Variants in CADM2 observed in about 807,000 individuals in gnomAD.
CADM2 encodes the protein cell adhesion molecule 2.
A neutral mutation model predicts 49.8 loss-of-function variants in CADM2; 12 were observed. The ratio of observed to expected loss-of-function variants is 0.24; its 90% CI spans 0.15 to 0.39. The LOEUF (loss-of-function observed/expected upper bound fraction) is 0.39. CADM2 is among the 10% of genes least tolerant of loss of function. The pLI, the probability that CADM2 is intolerant of heterozygous loss-of-function variation, is 1.00. For missense variants in CADM2, 378 were observed against 492.3 expected (o/e 0.77, Z 2.20); for synonymous variants, 214 against 175.4 (o/e 1.22, Z -1.74).
At chr3:85,881,868 G>A (rs1020557311) in intron 3 of CADM2, among the ~76,000 whole-genome samples, 8 of 152,198 alleles carry the variant, frequency 5.3e-5, no homozygotes, top group East Asian at 3.9e-4. Context: ...CAAATCATCC[G>A]GCATTAGTTA....
intron 1 of CADM2, among the ~76,000 whole-genome samples, chr3:85,356,994 A>G (rs2031916736): frequency 6.6e-6 from 1 of 152,146 alleles, no homozygotes; most frequent in Non-Finnish European, 1.5e-5. Flanking sequence ...GGTACCAGTT[A>G]TTCTATGATT....
At chr3:85,710,529 A>C (rs2107735964) in intron 1 of CADM2, among the ~76,000 whole-genome samples, 1 of 152,188 alleles carries the variant, frequency 6.6e-6, no homozygotes, top group South Asian at 2.1e-4. Flanking sequence ...CATTGGATAT[A>C]TTTTATATTC....
rs2040319629 is a variant in CADM2, at chr3:85,161,408, A to AT, written c.61+201744dup. 3.9e-5 allele frequency among the ~76,000 whole-genome samples: 6 copies of AT among 152,086 alleles called. No homozygotes were observed. In the South Asian group the frequency reaches 1.2e-3, roughly 32 times the overall value. The stretch of plus-strand genomic sequence containing the variant: ...CAGAGGTACGCCCTGGGCTCCTTCC[A>AT]TTTTCTTAGGTCCTATGGCAGGGCT... On this transcript the variant is annotated intron_variant, in intron 1 of 9. Transcript: ENST00000383699.
At chr3:85,015,077 G>A (rs2034192396) in intron 1 of CADM2, among the ~76,000 whole-genome samples, 1 of 151,850 alleles carries the variant, frequency 6.6e-6, no homozygotes, top group African/African-American at 2.4e-5. Context: ...TTTCTATTGT[G>A]CCGTACATAG....
rs763793617 is a variant in CADM2 at position 85,320,318 on chromosome 3, A to G, written c.61+360650A>G. ...CAAATACTGATCAAGTCAACTAATTAAGTTTTTGTTTTCTCTGTTTAGTAG... is the reference window on the plus strand; with the variant it reads ...CAAATACTGATCAAGTCAACTAATTGAGTTTTTGTTTTCTCTGTTTAGTAG... On this transcript the variant is annotated intron_variant, in intron 1 of 9. Coordinates refer to ENST00000383699, the MANE Select transcript of CADM2 (RefSeq NM_001167675.2). Among the ~76,000 whole-genome samples the G allele has an allele frequency of 5.6e-4, 85 of 152,300 alleles. 1 individual carries two copies. The highest frequency in any genetic ancestry group is 7.8e-4 in the Non-Finnish European group (53 of 68,020).
chr3:85,277,334 A>G (rs373649722), intron 1 of CADM2, among the ~76,000 whole-genome samples: 5 of 151,312 alleles, frequency 3.3e-5, no homozygotes, highest in Non-Finnish European at 7.4e-5. Flanking sequence ...AGGGCTATCA[A>G]TCTTCCTCTC....
intron 3 of CADM2, among the ~76,000 whole-genome samples, chr3:85,877,225 C>G (rs1214214095): frequency 2.0e-5 from 3 of 152,032 alleles, no homozygotes; most frequent in African/African-American, 7.2e-5. Context: ...GTGAATAACA[C>G]CCTTTTCTTC....
At chr3:85,995,261 A>G (rs1488260166) in intron 8 of CADM2, among the ~76,000 whole-genome samples, 1 of 152,182 alleles carries the variant, frequency 6.6e-6, no homozygotes, top group Non-Finnish European at 1.5e-5. Context: ...ACATGACACA[A>G]TATACAGATT....
intron 1 of CADM2, among the ~76,000 whole-genome samples, chr3:85,350,630 C>T (rs552387912): frequency 5.9e-5 from 9 of 152,158 alleles, no homozygotes; most frequent in Admixed American, 2.6e-4. Context: ...CATAGAGTTT[C>T]GGCATGGAGC....
intron 5 of CADM2, among the ~76,000 whole-genome samples, chr3:85,888,969 A>C (rs568482788): frequency 2.0e-5 from 3 of 152,272 alleles, no homozygotes; most frequent in Non-Finnish European, 2.9e-5. Flanking sequence ...ACTCCCTAGC[A>C]TAAAATAAGG....
chr3:85,183,296 A>G (rs2040979247), intron 1 of CADM2, among the ~76,000 whole-genome samples: 2 of 152,172 alleles, frequency 1.3e-5, no homozygotes, highest in Non-Finnish European at 2.9e-5. Flanking sequence ...TTGATTGTTA[A>G]TGCCAGCAAA....
intron 1 of CADM2, among the ~76,000 whole-genome samples, chr3:85,331,193 C>T (rs2044912867): frequency 6.6e-6 from 1 of 151,782 alleles, no homozygotes; most frequent in African/African-American, 2.4e-5. Flanking sequence ...CCATAGTTGC[C>T]CTACTGTGCT....
intron 1 of CADM2, among the ~76,000 whole-genome samples, chr3:85,679,611 C>G (rs2065983434): frequency 6.6e-6 from 1 of 152,090 alleles, no homozygotes; most frequent in South Asian, 2.1e-4. Flanking sequence ...CCTGTTTTCA[C>G]TTTGGGGGAA....
chr3:85,436,278 C>G (rs930047806), intron 1 of CADM2, among the ~76,000 whole-genome samples: 1 of 152,084 alleles, frequency 6.6e-6, no homozygotes, highest in African/African-American at 2.4e-5. Flanking sequence ...ATTTTGTATT[C>G]TTAGACTTTG....
chr3:85,940,068 C>T (rs1184110292), intron 7 of CADM2, among the ~76,000 whole-genome samples: 1 of 147,292 alleles, frequency 6.8e-6, no homozygotes, highest in African/African-American at 2.5e-5. Flanking sequence ...CCTGTAATCC[C>T]AGCACTTTGG....
At chr3:86,049,932 C>A (rs77083397) in intron 8 of CADM2, among the ~76,000 whole-genome samples, 1 of 152,064 alleles carries the variant, frequency 6.6e-6, no homozygotes, top group East Asian at 1.9e-4. Context: ...TCATTCTGTG[C>A]CTGATGCTTC....
At chr3:85,128,012 C>A (rs938908359) in intron 1 of CADM2, among the ~76,000 whole-genome samples, 3 of 152,132 alleles carry the variant, frequency 2.0e-5, no homozygotes, top group African/African-American at 4.8e-5. Flanking sequence ...CATTTCAAGT[C>A]CTCAAGAAAC....
chr3:85,005,716 T>C (rs2033686042), intron 1 of CADM2, among the ~76,000 whole-genome samples: 2 of 152,028 alleles, frequency 1.3e-5, no homozygotes, highest in African/African-American at 4.8e-5. Flanking sequence ...AGTTTTTTTT[T>C]CTTTTATACA....
intron 1 of CADM2, among the ~76,000 whole-genome samples, chr3:85,712,685 A>G (rs2067152229): frequency 6.6e-6 from 1 of 152,064 alleles, no homozygotes; most frequent in African/African-American, 2.4e-5. Context: ...ATAATGCCTC[A>G]GAATATTTGA....
Sources: allele counts gnomAD v4.1 joint callset (sites outside exome capture counted in the v4.1 genomes callset), GRCh38; gene constraint gnomAD v4.1.1; transcripts MANE v1.5; gene names NCBI Gene and HGNC (gene_info 2026-07-23, HGNC 2026-07-21).